The following WASHC4 variants were observed in gnomAD, a reference collection of about 807,000 sequenced individuals.
WASHC4 encodes the protein WASH complex subunit 7.
Under a neutral mutation model 166.6 loss-of-function variants are expected in WASHC4, and 86 were observed. The ratio of observed to expected loss-of-function variants is 0.52; its 90% CI spans 0.43 to 0.62. The LOEUF is 0.62. Ranked by LOEUF, WASHC4 falls within the 20% of genes least tolerant of loss-of-function variation. The pLI, the probability that WASHC4 is intolerant of heterozygous loss-of-function variation, is 0.00. For synonymous variants in WASHC4, 446 were observed against 451.6 expected (o/e 0.99, Z 0.16); for missense variants, 1,262 against 1,382.4 (o/e 0.91, Z 1.38).
intron 20 of WASHC4, among the ~76,000 whole-genome samples, chr12:105,143,942 C>G (rs897299135): frequency 2.7e-5 from 4 of 149,614 alleles, no homozygotes; most frequent in African/African-American, 4.9e-5. Context: ...ACCTTTAGCA[C>G]AATGAATTTT....
intron 26 of WASHC4, 49 bp downstream of exon 26, chr12:105,152,500 C>A: frequency 1.0e-6 from 1 of 980,570 alleles, no homozygotes; most frequent in Admixed American, 1.7e-5. Flanking sequence ...TCCCTACAGT[C>A]TATCTCATAT....
intron 4 of WASHC4, among the ~76,000 whole-genome samples, 197 bp downstream of exon 4, chr12:105,114,624 G>GT (rs1880010067): frequency 6.6e-6 from 1 of 151,964 alleles, no homozygotes; most frequent in South Asian, 2.1e-4. Flanking sequence ...AATCCTTATA[G>GT]TAACCCCAGG....
At chr12:105,159,928 C>T in intron 28 of WASHC4, 73 bp from the exon 29 acceptor site, 2 of 1,359,202 alleles carry the variant, frequency 1.5e-6, no homozygotes, top group East Asian at 2.3e-5. Flanking sequence ...CTTATCTAAA[C>T]TATTGAGAGA....
intron 14 of WASHC4, 68 bp from the exon 15 acceptor site, chr12:105,137,818 G>C (rs1051394376): frequency 2.2e-5 from 30 of 1,363,038 alleles, no homozygotes; most frequent in Admixed American, 3.4e-5. Flanking sequence ...AATAGCTGCT[G>C]TTAAATAGAT....
Position 105,166,936 on chromosome 12 carries a change from G to A in WASHC4, c.*5G>A. ...GCTGATCCTGTTGTGAAATGATACG[G>A]ATGGTATTCACTGCACATATGATGA... On this transcript the variant is annotated 3_prime_UTR_variant, in exon 33 of 33. Transcript: ENST00000332180. The A allele has an allele frequency of 6.3e-7, 1 of 1,581,204 alleles. No individual in the cohort carries two copies. The highest frequency in any genetic ancestry group is 8.7e-7 in the Non-Finnish European group (1 of 1,154,710).
intron 30 of WASHC4, among the ~76,000 whole-genome samples, chr12:105,163,828 A>G (rs1884647056): frequency 6.6e-6 from 1 of 152,084 alleles, no homozygotes; most frequent in Non-Finnish European, 1.5e-5. Flanking sequence ...GCTTACAGCT[A>G]TATCGTTTCT....
chr12:105,133,684 T>C, intron 13 of WASHC4, 86 bp from the exon 14 acceptor site: 1 of 1,112,502 alleles, frequency 9.0e-7, no homozygotes, highest in East Asian at 2.4e-5. Flanking sequence ...AAATGACTGC[T>C]GCAGGGAAAT....
intron 29 of WASHC4, among the ~76,000 whole-genome samples, chr12:105,161,863 T>G (rs1884516247): frequency 6.6e-6 from 1 of 152,250 alleles, no homozygotes; most frequent in Admixed American, 6.5e-5. Context: ...AGCTGTGCTA[T>G]CCATGTATAG....
In WASHC4 at chr12:105,107,806, G is replaced by C; in HGVS notation, c.6G>C (p.Ala2=). The C allele has an allele frequency of 6.4e-7, 1 of 1,550,690 alleles. No homozygotes were observed. The highest frequency in any genetic ancestry group is 2.4e-5 in the East Asian group (1 of 40,902). The change falls in exon 1 of 33, where the codon GCG becomes GCC. Residue 2 remains alanine, a synonymous_variant. Transcript: ENST00000332180. ...CTGTGGGAGGCGCCGGGGTGATGGC[G>C]GTGGAGACTCTGTCCCCGGACTGGG... M[A]VETLSPDWEF...
chr12:105,149,536 T>TC, intron 24 of WASHC4, 79 bp from the exon 25 acceptor site: 1 of 1,110,194 alleles, frequency 9.0e-7, no homozygotes, highest in Non-Finnish European at 1.3e-6. Flanking sequence ...ATAACTGTGA[T>TC]ACAGTAAAAT....
At chr12:105,156,133 A>G (rs555731113) in intron 26 of WASHC4, among the ~76,000 whole-genome samples, 3 of 152,364 alleles carry the variant, frequency 2.0e-5, no homozygotes, top group Middle Eastern at 3.4e-3. Context: ...GAAAGGAGCC[A>G]GGGATGACTT....
chr12:105,142,246 C>T (rs1487443245), intron 18 of WASHC4, among the ~76,000 whole-genome samples: 2 of 152,084 alleles, frequency 1.3e-5, no homozygotes, highest in African/African-American at 4.8e-5. Context: ...AGAATTCTGA[C>T]AATGTCAGGC....
At chr12:105,134,764 C>A (rs1882161665) in intron 14 of WASHC4, among the ~76,000 whole-genome samples, 1 of 151,740 alleles carries the variant, frequency 6.6e-6, no homozygotes. Context: ...TTTCTCCTAT[C>A]TGATAATCTT....
At chr12:105,150,306 A>G (rs1343544001) in intron 25 of WASHC4, among the ~76,000 whole-genome samples, 1 of 152,150 alleles carries the variant, frequency 6.6e-6, no homozygotes, top group Non-Finnish European at 1.5e-5. Context: ...CTAATTTTTC[A>G]TTCTTACAAA....
Position 105,133,078 on chromosome 12 carries a change from G to A in WASHC4, c.1200-692G>A, listed in dbSNP as rs569097059. ...CAAGTTACTTTGCTCAGATCCTCTA[G>A]TGGCTTTCTGTCTCTCTGAGTCAAA... On this transcript the variant is annotated intron_variant, in intron 13 of 32. Coordinates refer to ENST00000332180, the MANE Select transcript of WASHC4 (RefSeq NM_015275.3). 1.6e-4 allele frequency among the ~76,000 whole-genome samples: 24 copies of A among 152,064 alleles called. No homozygotes were observed. In the South Asian group the frequency reaches 4.8e-3, roughly 30 times the overall value.
chr12:105,166,773 A>G (rs1884833518), intron 32 of WASHC4, 91 bp from the exon 33 acceptor site: 4 of 847,792 alleles, frequency 4.7e-6, no homozygotes, highest in Non-Finnish European at 5.9e-6. Context: ...GAAGTTTGGC[A>G]ATACAGCTCT....
At chr12:105,146,556 T>TA (rs1883314046) in intron 23 of WASHC4, 30 bp downstream of exon 23, 2 of 1,278,600 alleles carry the variant, frequency 1.6e-6, no homozygotes, top group South Asian at 2.4e-5. Flanking sequence ...TTTTTTTTTT[T>TA]AATGTAGGTG....
intron 28 of WASHC4, 136 bp from the exon 29 acceptor site, chr12:105,159,865 C>T (rs1884386976): frequency 1.3e-6 from 1 of 745,018 alleles, no homozygotes; most frequent in Non-Finnish European, 2.3e-6. Context: ...ATTCTGAACT[C>T]CAAGAAAATT....
Position 105,111,162 on chromosome 12 carries a change from A to G in WASHC4, c.99A>G (p.Lys33=). ...HAEVQLKNYG[K]FLEEYTSQLR... ...AAGTCCAACTTAAGAATTATGGGAA[A>G]TTTCTTGAGGAGTATACCTCTCAAC... The change falls in exon 2 of 33, where the codon AAA becomes AAG. Residue 33 remains lysine (K), a synonymous_variant. Coordinates refer to ENST00000332180, the MANE Select transcript of WASHC4 (RefSeq NM_015275.3). 1 of 1,607,904 alleles carries G rather than the reference A, an allele frequency of 6.2e-7. No individual in the cohort carries two copies. The highest frequency in any genetic ancestry group is 1.3e-5 in the African/African-American group (1 of 74,924).
Sources: gnomAD v4.1 joint callset for allele counts (sites outside exome capture counted in the v4.1 genomes callset) on GRCh38, gnomAD v4.1.1 for gene constraint, MANE v1.5 for transcripts, NCBI Gene and HGNC (gene_info 2026-07-23, HGNC 2026-07-21) for gene names.